Variants in DCP1A observed in about 807,000 individuals in gnomAD.
DCP1A encodes decapping mRNA 1A, also known as mRNA-decapping enzyme 1A.
Under a neutral mutation model 58.0 loss-of-function variants are expected in DCP1A, and 20 were observed. The observed-to-expected ratio is 0.34, with a 90% CI of 0.24 to 0.50. The LOEUF (loss-of-function observed/expected upper bound fraction) is 0.50. Among genes scored for constraint, DCP1A ranks in the 20% least tolerant of loss-of-function variants. The pLI, the probability that DCP1A is intolerant of heterozygous loss-of-function variation, is 0.98. For missense variants in DCP1A, 613 were observed against 712.2 expected, an observed-to-expected ratio of 0.86 and a Z score of 1.59; for synonymous variants, 285 against 275.1, an observed-to-expected ratio of 1.04 and a Z score of -0.36.
At chr3:53,333,184 C>G (rs1559703814) in intron 3 of DCP1A, 1 of 150,928 alleles carries the variant, frequency 6.6e-6, no homozygotes, top group East Asian at 1.9e-4. Context: ...CTCTGTTGCC[C>G]AGGCTGGAGT....
At chr3:53,289,126 A>G (rs997294327) in intron 8 of DCP1A, among the ~76,000 whole-genome samples, 15 of 150,540 alleles carry the variant, frequency 1.0e-4, no homozygotes, top group Admixed American at 3.3e-4. Flanking sequence ...TCCTCCCCCC[A>G]TTTTTGATTT....
chr3:53,326,475 C>T (rs568515106), intron 3 of DCP1A, among the ~76,000 whole-genome samples: 5 of 152,266 alleles, frequency 3.3e-5, no homozygotes, highest in African/African-American at 4.8e-5. Flanking sequence ...CTCAGGGTCA[C>T]GGATTGGTAC....
At chr3:53,342,357 A>C in intron 2 of DCP1A, 86 bp from the exon 3 acceptor site, 1 of 1,042,022 alleles carries the variant, frequency 9.6e-7, no homozygotes, top group South Asian at 1.6e-5. Context: ...TTTTCATTTC[A>C]AAAAAGAATG....
rs2089218251 is a variant in DCP1A, at chr3:53,342,224, A to G, written c.224T>C (p.Met75Thr). The change falls in exon 3 of 10, where the codon ATG (methionine) becomes ACG (threonine). Residue 75 changes from methionine to threonine, a missense_variant. Physicochemically the swap from Met to Thr is moderately conservative, Grantham distance 81. Around this residue, in one of 3 missense-constraint regions of DCP1A, gnomAD observed 65 missense variants for 118.5 expected, o/e 0.55. Transcript: ENST00000610213. ...HGFTIVNRLN[M>T]HNLVEPVNKD... ...ATTCACTGGTTCAACTAGATTGTGC[A>G]TATTTAGTCGATTCACAATGGTAAA... 1.2e-6 allele frequency: 2 copies of G among 1,604,260 alleles called. No individual in the cohort carries two copies. Among genetic ancestry groups the G allele is most frequent in the Non-Finnish European group, 1.7e-6 (2 of 1,173,748 alleles).
chr3:53,342,306 T>A (rs782256350), intron 2 of DCP1A, 35 bp from the exon 3 acceptor site: 9 of 1,464,750 alleles, frequency 6.1e-6, no homozygotes, highest in Middle Eastern at 1.8e-4. Context: ...AATATGTAGT[T>A]ACCATTTAAT....
intron 8 of DCP1A, among the ~76,000 whole-genome samples, chr3:53,289,125 C>A (rs1479437734): frequency 3.3e-5 from 5 of 151,328 alleles, no homozygotes; most frequent in African/African-American, 4.8e-5. Context: ...ATCCTCCCCC[C>A]ATTTTTGATT....
In DCP1A at chr3:53,292,157, T is replaced by C; in HGVS notation, c.1295A>G (p.Glu432Gly). ...SPAAGQLATP[E>G]SFIEPPSKTA... is the part of the protein sequence containing the mutation. ...CTTAGAGGGAGGCTCTATGAAGCTC[T>C]CAGGTGTGGCTAGCTGACCAGCTGC... The change falls in exon 7 of 10, where the codon GAG becomes GGG. Residue 432 changes from glutamate (E) to glycine (G), a missense_variant. Physicochemically the swap from Glu to Gly is moderately conservative, Grantham distance 98. This residue lies in a region of DCP1A where 498 missense variants were observed against 556.7 expected (regional missense o/e 0.89). Coordinates refer to ENST00000610213, the MANE Select transcript of DCP1A (RefSeq NM_018403.7). 1.2e-6 allele frequency: 2 copies of C among 1,613,964 alleles called. No homozygotes were observed. The highest frequency in any genetic ancestry group is 1.7e-6 in the Non-Finnish European group (2 of 1,179,900).
intron 3 of DCP1A, among the ~76,000 whole-genome samples, chr3:53,328,572 G>A (rs895980212): frequency 6.8e-4 from 103 of 151,874 alleles, no homozygotes; most frequent in African/African-American, 2.5e-3. Context: ...TACCTGAGGA[G>A]GAAAAAGCCA....
At position 53,292,065 on chromosome 3, in the gene DCP1A, T is replaced by C. The variant is rs369792629; in HGVS notation, c.1383+4A>G. On this transcript the variant is annotated splice_donor_region_variant and intron_variant, in intron 7 of 9. Transcript: ENST00000610213. ...TCTGCCCACCCCCACCCTCCTGCCA[T>C]TACCTGAAGGGGAGCAAGCACCATG... The C allele has an allele frequency of 6.4e-6, 6 of 938,728 alleles. No individual in the cohort carries two copies. Among genetic ancestry groups the C allele is most frequent in the Admixed American group, 3.8e-5 (2 of 52,974 alleles). The allele number at this position is 938,728 out of a possible 1,614,324, so 58.1% of individuals were successfully genotyped here. A position where few individuals can be genotyped will look rare whatever the true frequency, so the allele number is the denominator to read the frequency against.
intron 4 of DCP1A, among the ~76,000 whole-genome samples, chr3:53,313,042 C>T (rs1187581569): frequency 6.6e-6 from 1 of 152,050 alleles, no homozygotes; most frequent in East Asian, 1.9e-4. Flanking sequence ...GACAGTTCCA[C>T]CAAGACACAG....
At chr3:53,316,870 T>C (rs1373935216) in intron 4 of DCP1A, among the ~76,000 whole-genome samples, 3 of 152,176 alleles carry the variant, frequency 2.0e-5, no homozygotes, top group African/African-American at 7.2e-5. Flanking sequence ...CAGCTTTCCA[T>C]TTCTACTCCT....
At chr3:53,311,402 A>C (rs1553688622) in intron 5 of DCP1A, among the ~76,000 whole-genome samples, 1 of 152,238 alleles carries the variant, frequency 6.6e-6, no homozygotes, top group Admixed American at 6.5e-5. Context: ...AAATTCCAGG[A>C]GAGTCATAAC....
At chr3:53,294,787 T>C (rs1369667184) in intron 6 of DCP1A, among the ~76,000 whole-genome samples, 2 of 152,118 alleles carry the variant, frequency 1.3e-5, no homozygotes, top group African/African-American at 2.4e-5. Flanking sequence ...GAGGCTGAAA[T>C]GTATGGAACC....
chr3:53,332,804 G>A (rs1246163325), intron 3 of DCP1A, among the ~76,000 whole-genome samples: 1 of 151,390 alleles, frequency 6.6e-6, no homozygotes, highest in Non-Finnish European at 1.5e-5. Context: ...CGTGGAGCTT[G>A]CCTAGATCGC....
At chr3:53,333,161 A>C (rs1553691520) in intron 3 of DCP1A, 1 of 126,082 alleles carries the variant, frequency 7.9e-6, no homozygotes, top group African/African-American at 3.0e-5. Context: ...TTTTTTTTTG[A>C]GATGGAGTCT....
Position 53,292,229 on chromosome 3 carries a change from T to C in DCP1A, c.1223A>G (p.Gln408Arg). Residue 408 changes from glutamine to arginine, a missense_variant, in exon 7 of 10, where the codon CAG (glutamine) becomes CGG (arginine). Around this residue, in one of 3 missense-constraint regions of DCP1A, gnomAD observed 498 missense variants for 556.7 expected, o/e 0.89. Transcript: ENST00000610213. ...LRLTPQHDQI[Q>R]TQPLGKGAMV... ...TGCACCTTTCCCAAGTGGTTGTGTC[T>C]GTATTTGGTCATGCTGTGGGGTCAA... is the stretch of plus-strand genomic sequence containing the variant. 1 of 1,614,004 alleles carries C rather than the reference T, an allele frequency of 6.2e-7. No individual in the cohort carries two copies. The highest frequency in any genetic ancestry group is 8.5e-7 in the Non-Finnish European group (1 of 1,179,894).
At chr3:53,331,344 A>G (rs2088995394) in intron 3 of DCP1A, among the ~76,000 whole-genome samples, 1 of 152,208 alleles carries the variant, frequency 6.6e-6, no homozygotes, top group African/African-American at 2.4e-5. Flanking sequence ...CACGTGCCAC[A>G]AATGCTGCTT....
Position 53,304,219 on chromosome 3 carries a change from G to A in DCP1A, c.582C>T (p.Ser194=), listed in dbSNP as rs1201277558. ...AGGGCATTTCTTCTAGAGTCTCGGT[G>A]CTTCCCAGATTGGAGAGCTGAGTGC... The part of the protein sequence containing the change: ...QPSTQLSNLG[S]TETLEEMPSG... Residue 194 remains serine, a synonymous_variant, in exon 6 of 10, where the codon AGC becomes AGT. Transcript: ENST00000610213. The A allele has an allele frequency of 1.2e-6, 2 of 1,613,610 alleles. No homozygotes were observed. The highest frequency in any genetic ancestry group is 1.7e-6 in the Non-Finnish European group (2 of 1,179,840).
chr3:53,326,990 A>G (rs1374421504), intron 3 of DCP1A, among the ~76,000 whole-genome samples: 1 of 140,908 alleles, frequency 7.1e-6, no homozygotes, highest in Non-Finnish European at 1.5e-5. Flanking sequence ...CCCCCCCCCA[A>G]CTGGTATTCT....
Sources: allele counts gnomAD v4.1 joint callset (sites outside exome capture counted in the v4.1 genomes callset), GRCh38; gene constraint gnomAD v4.1.1; regional missense constraint gnomAD v4.1.1; transcripts MANE v1.5; gene names NCBI Gene and HGNC (gene_info 2026-07-23, HGNC 2026-07-21).